TAPBP: variants seen among roughly 807,000 people sequenced by gnomAD.
TAPBP encodes tapasin.
Under a neutral mutation model 45.7 loss-of-function variants are expected in TAPBP, and 38 were observed. The observed-to-expected ratio is 0.83, with a 90% CI of 0.64 to 1.09. The LOEUF is 1.09. TAPBP is among the 50% of genes least tolerant of loss of function. TAPBP has a pLI of 0.00. For synonymous variants in TAPBP, 226 were observed against 254.8 expected, an observed-to-expected ratio of 0.89 and a Z score of 1.08; for missense variants, 513 against 587.3, an observed-to-expected ratio of 0.87 and a Z score of 1.31.
chr6:33,313,886 G>A lies in TAPBP; in HGVS notation c.38-22C>T. On this transcript the variant is annotated intron_variant, in intron 1 of 7. Transcript: ENST00000434618. This position sits in a 1 kb window ranked among gnomAD's most constrained non-coding sequence, Gnocchi z 7.2. Reference sequence around the variant, plus strand: ...AGGCCTGGCGTATAGGGACGCGAGTGAGGAGCGGTTTGTATGTCTGGTGAC... The same window carrying A: ...AGGCCTGGCGTATAGGGACGCGAGTAAGGAGCGGTTTGTATGTCTGGTGAC... The A allele has an allele frequency of 1.2e-6, 2 of 1,613,368 alleles. No individual in the cohort carries two copies. The highest frequency in any genetic ancestry group is 1.7e-6 in the Non-Finnish European group (2 of 1,179,786).
At position 33,313,343 on chromosome 6, in the gene TAPBP, A is replaced by T; in HGVS notation, c.343T>A (p.Cys115Ser). ...WASGLTPAQNCPRALDGAWLM... is the reference protein window; with the variant it reads ...WASGLTPAQNSPRALDGAWLM... ...CAAGCCCCATCCAGGGCCCGCGGGC[A>T]GTTCTGCGCGGGGGTCAGGCCGCTG... Residue 115 changes from cysteine to serine, a missense_variant, in exon 3 of 8, where the codon TGC (cysteine) becomes AGC (serine). Coordinates refer to ENST00000434618, the MANE Select transcript of TAPBP (RefSeq NM_003190.5). This position sits in a 1 kb window ranked among gnomAD's most constrained non-coding sequence, Gnocchi z 7.2. The T allele has an allele frequency of 6.2e-7, 1 of 1,613,324 alleles. No individual in the cohort carries two copies. The highest frequency in any genetic ancestry group is 8.5e-7 in the Non-Finnish European group (1 of 1,179,928).
chr6:33,302,575 C>T (rs1416365379), intron 7 of TAPBP, among the ~76,000 whole-genome samples: 3 of 152,014 alleles, frequency 2.0e-5, no homozygotes, highest in African/African-American at 7.2e-5. Flanking sequence ...GATCCGCCCT[C>T]CTCAGCCTCC....
In TAPBP at chr6:33,305,684, G is replaced by A. The variant is rs565514055; in HGVS notation, c.470-297C>T. 4.5e-4 allele frequency among the ~76,000 whole-genome samples: 68 copies of A among 152,230 alleles called. No individual in the cohort carries two copies. The highest frequency in any genetic ancestry group is 8.7e-4 in the Non-Finnish European group (59 of 67,996). On this transcript the variant is annotated intron_variant, in intron 3 of 7. Coordinates refer to ENST00000434618, the MANE Select transcript of TAPBP (RefSeq NM_003190.5). The surrounding 1 kb of genome is among the most constrained non-coding windows in gnomAD (Gnocchi z 4.4). Reference sequence around the variant, plus strand: ...CTGAACACATAGCACACTCTAGCTCGGGGGACTGCAGAATCCGAGGCCACT... The same window carrying A: ...CTGAACACATAGCACACTCTAGCTCAGGGGACTGCAGAATCCGAGGCCACT...
rs1768479652 is a variant in TAPBP at position 33,300,548 on chromosome 6, C to A, written c.*1212G>T. ...TGGTGGCGGGCCCCTGTAGTCCCAG[C>A]TACTCGGGAAGCTGAGGCAGGAGAA... is the stretch of plus-strand genomic sequence containing the variant. On this transcript the variant is annotated 3_prime_UTR_variant, in exon 8 of 8. Transcript: ENST00000434618. The A allele has an allele frequency of 6.6e-6, 1 of 151,720 alleles. No individual in the cohort carries two copies. The highest frequency in any genetic ancestry group is 2.4e-5 in the African/African-American group (1 of 41,202). The allele number at this position is 151,720 out of a possible 1,614,324, so 9.4% of individuals were successfully genotyped here.
intron 3 of TAPBP, among the ~76,000 whole-genome samples, chr6:33,311,749 G>A (rs2150971578): frequency 6.6e-6 from 1 of 152,328 alleles, no homozygotes; most frequent in African/African-American, 2.4e-5. Flanking sequence ...CTCCCTGTCT[G>A]CATGTCCTTC....
chr6:33,302,299 C>T (rs992893059), intron 7 of TAPBP, among the ~76,000 whole-genome samples: 4 of 151,716 alleles, frequency 2.6e-5, no homozygotes, highest in Non-Finnish European at 5.9e-5. Context: ...CTGTGTGCCA[C>T]CATGCCCAGC....
intron 3 of TAPBP, among the ~76,000 whole-genome samples, chr6:33,307,918 TTCA>T (rs1157436265): frequency 1.3e-5 from 2 of 152,176 alleles, no homozygotes; most frequent in Non-Finnish European, 2.9e-5. Context: ...TTTCATTACC[TTCA>T]TCACTATCAT....
rs1768407698 is a variant in TAPBP, at chr6:33,299,780, C to G, written c.*1980G>C. ...GGCCGACCGTCCTGACTCGGAGATC[C>G]CTGAGCTGCGCCGCCGCTTCCTTCG... On this transcript the variant is annotated 3_prime_UTR_variant, in exon 8 of 8. Coordinates refer to ENST00000434618, the MANE Select transcript of TAPBP (RefSeq NM_003190.5). This position sits in a 1 kb window ranked among gnomAD's most constrained non-coding sequence, Gnocchi z 5.0. The G allele has an allele frequency of 6.6e-6, 1 of 152,364 alleles. No homozygotes were observed. Among genetic ancestry groups the G allele is most frequent in the Non-Finnish European group, 1.5e-5 (1 of 68,168 alleles). 9.4% of individuals were successfully genotyped at this position (152,364 alleles called of 1,614,324 possible).
intron 7 of TAPBP, among the ~76,000 whole-genome samples, chr6:33,303,311 C>T (rs141104124): frequency 0.034 from 5,195 of 151,880 alleles, 296 homozygotes; most frequent in African/African-American, 0.12. Flanking sequence ...CCCAACTACT[C>T]GGGAGGCTAA....
rs760965881 is a variant in TAPBP at position 33,304,630 on chromosome 6, TG to T, written c.876del (p.Val294CysfsTer3). 6.4e-6 allele frequency: 10 copies of T among 1,565,838 alleles called. No homozygotes were observed. Among genetic ancestry groups the T allele is most frequent in the South Asian group, 1.1e-5 (1 of 88,128 alleles). On this transcript the variant is annotated frameshift_variant, in exon 5 of 8. Transcript: ENST00000434618. LOFTEE classifies it high-confidence loss of function. Reference protein sequence around the residue: ...VTLELAVYKPPKVSLMPATLA... With the variant: ...VTLELAVYKPXKVSLMPATLA... Reference sequence around the variant, plus strand: ...AGGGTTGCTGGCATCAGGGACACTTTGGGGGGTTCTGGGGAAAGAGGACGAA... The same window carrying T: ...AGGGTTGCTGGCATCAGGGACACTTTGGGGGTTCTGGGGAAAGAGGACGAA...
At position 33,305,013 on chromosome 6, in the gene TAPBP, C is replaced by G; in HGVS notation, c.844G>C (p.Val282Leu). The change falls in exon 4 of 8, where the codon GTC becomes CTC. Residue 282 changes from valine (V) to leucine (L), a missense_variant. Physicochemically the swap from Val to Leu is conservative, Grantham distance 32. Coordinates refer to ENST00000434618, the MANE Select transcript of TAPBP (RefSeq NM_003190.5). The surrounding 1 kb of genome is among the most constrained non-coding windows in gnomAD (Gnocchi z 4.4). The part of the protein sequence containing the change: ...TIHLPYLQGQ[V>L]TLELAVYKPP... Reference sequence around the variant, plus strand: ...CTGTACACAGCAAGCTCCAGGGTGACCTGTCCTTGCAGGTATGGCAGGTGT... The same window carrying G: ...CTGTACACAGCAAGCTCCAGGGTGAGCTGTCCTTGCAGGTATGGCAGGTGT... 6.2e-7 allele frequency: 1 copy of G among 1,614,202 alleles called. No homozygotes were observed. The highest frequency in any genetic ancestry group is 1.6e-4 in the Middle Eastern group (1 of 6,062).
chr6:33,301,834 C>A, intron 7 of TAPBP, 63 bp from the exon 8 acceptor site: 2 of 1,612,574 alleles, frequency 1.2e-6, no homozygotes, highest in South Asian at 2.2e-5. Context: ...TGTACATGGT[C>A]AGTTTAGAGA....
At chr6:33,303,544 G>GA (rs1768727727) in intron 7 of TAPBP, 1 of 591,564 alleles carries the variant, frequency 1.7e-6, no homozygotes, top group South Asian at 2.4e-5. Context: ...TCCAAAGTCT[G>GA]AAAAAATCCA....
rs1357910271 is a variant in TAPBP at position 33,300,954 on chromosome 6, A to G, written c.*806T>C. On this transcript the variant is annotated 3_prime_UTR_variant, in exon 8 of 8. Transcript: ENST00000434618. ...GCACTCCAGCCTGGGCGACAGAGCGAGACTCCGTCTCAAAAAAAAAAAAAA... is the reference window on the plus strand; with the variant it reads ...GCACTCCAGCCTGGGCGACAGAGCGGGACTCCGTCTCAAAAAAAAAAAAAA... 3 of 144,546 alleles carry G rather than the reference A, an allele frequency of 2.1e-5. No homozygotes were observed. The highest frequency in any genetic ancestry group is 7.8e-5 in the African/African-American group (3 of 38,414). 9.0% of individuals were successfully genotyped at this position (144,546 alleles called of 1,614,324 possible).
rs1768940154 is a variant in TAPBP at position 33,305,829 on chromosome 6, ATATT to A, written c.470-446_470-443del. ...TGTCAGTCTTGTGGTGCTGTACAGAATATTTACTGACTCTAGAAGGTTCCAGCTC... is the reference window on the plus strand; with the variant it reads ...TGTCAGTCTTGTGGTGCTGTACAGAATACTGACTCTAGAAGGTTCCAGCTC... On this transcript the variant is annotated intron_variant, in intron 3 of 7. Transcript: ENST00000434618. This position sits in a 1 kb window ranked among gnomAD's most constrained non-coding sequence, Gnocchi z 4.4. Among the ~76,000 whole-genome samples the A allele has an allele frequency of 6.6e-6, 1 of 152,218 alleles. No homozygotes were observed. The highest frequency in any genetic ancestry group is 2.4e-5 in the African/African-American group (1 of 41,454).
rs200436656 is a variant in TAPBP, at chr6:33,314,060, G to T, written c.-19C>A. On this transcript the variant is annotated 5_prime_UTR_variant, in exon 1 of 8. The change creates a new upstream start codon in the 5' untranslated region. Coordinates refer to ENST00000434618, the MANE Select transcript of TAPBP (RefSeq NM_003190.5). ...ACTTCATGGCGCTGCGACCTCCTCA[G>T]CCATGAAGCCTCCTCTTCCTCCTTT... 1 of 1,613,198 alleles carries T rather than the reference G, an allele frequency of 6.2e-7. No homozygotes were observed.
intron 6 of TAPBP, 44 bp from the exon 7 acceptor site, chr6:33,304,033 A>G (rs1768765773): frequency 1.9e-6 from 3 of 1,613,234 alleles, no homozygotes; most frequent in Non-Finnish European, 2.5e-6. Flanking sequence ...GGAGTGGTAG[A>G]GGTGGAGGGC....
At chr6:33,304,664 T>TA (rs776807362) in intron 4 of TAPBP, 26 bp from the exon 5 acceptor site, 1 of 1,536,588 alleles carries the variant, frequency 6.5e-7, no homozygotes, top group Non-Finnish European at 8.7e-7. Context: ...GAAATGAGCA[T>TA]AGGGAAATCA....
rs2150959436 is a variant in TAPBP at position 33,303,983 on chromosome 6, T to C, written c.1307A>G (p.Tyr436Cys). ...CTTTGAATCCTTGCAGGTGGACAGG[T>C]AGACAGCTGTGGGGAAAGATTGAGA... The part of the protein sequence containing the change: ...LFKALGWAAV[Y>C]LSTCKDSKKK... Residue 436 changes from tyrosine (Y) to cysteine (C), a missense_variant, in exon 7 of 8, where the codon TAC becomes TGC. Tyr to Cys is a radical substitution (Grantham distance 194). Coordinates refer to ENST00000434618, the MANE Select transcript of TAPBP (RefSeq NM_003190.5). 6.2e-7 allele frequency: 1 copy of C among 1,613,564 alleles called. No homozygotes were observed. Among genetic ancestry groups the C allele is most frequent in the Non-Finnish European group, 8.5e-7 (1 of 1,179,916 alleles).
Sources: gnomAD v4.1 joint callset for allele counts (sites outside exome capture counted in the v4.1 genomes callset) on GRCh38, gnomAD v4.1.1 for gene constraint, Gnocchi (gnomAD v3.1) non-coding constraint, MANE v1.5 for transcripts, NCBI Gene and HGNC (gene_info 2026-07-23, HGNC 2026-07-21) for gene names.